The following ST18 variants were observed in gnomAD, a reference collection of about 807,000 sequenced individuals.
ST18 encodes suppression of tumorigenicity 18 protein.
A neutral mutation model predicts 110.0 loss-of-function variants in ST18; 50 were observed. That is an observed-to-expected ratio of 0.45 (90% confidence interval 0.36 to 0.58). The LOEUF (loss-of-function observed/expected upper bound fraction) is 0.58, where lower values mean the gene tolerates loss of function less well. Ranked by LOEUF, ST18 falls within the 20% of genes least tolerant of loss-of-function variation. The probability of loss-of-function intolerance (pLI) is 0.00; values close to 1 mark genes in which losing one functional copy is unlikely to be tolerated. For synonymous variants in ST18, 461 were observed against 452.4 expected, an observed-to-expected ratio of 1.02 and a Z score of -0.24; for missense variants, 1,306 against 1,280.1, an observed-to-expected ratio of 1.02 and a Z score of -0.31.
intron 8 of ST18, chr8:52,209,897 C>A: frequency 3.0e-6 from 1 of 331,290 alleles, no homozygotes; most frequent in South Asian, 2.5e-5. Context: ...ACATTTCTTC[C>A]CACAAATTTG....
chr8:52,147,685 C>T (rs2057708090), intron 16 of ST18, among the ~76,000 whole-genome samples: 2 of 151,922 alleles, frequency 1.3e-5, no homozygotes, highest in South Asian at 2.1e-4. Flanking sequence ...AGCAGTTATA[C>T]TTAATTCATG....
At chr8:52,399,019 T>C (rs1228280473) in intron 2 of ST18, among the ~76,000 whole-genome samples, 1 of 152,022 alleles carries the variant, frequency 6.6e-6, no homozygotes, top group Non-Finnish European at 1.5e-5. Flanking sequence ...TTGGTAATAA[T>C]TCTTCTTTGA....
chr8:52,167,806 A>T (rs2063516870), intron 10 of ST18, among the ~76,000 whole-genome samples: 1 of 152,012 alleles, frequency 6.6e-6, no homozygotes, highest in African/African-American at 2.4e-5. Context: ...GGCCCACGGG[A>T]GCAGCCGGTC....
intron 2 of ST18, chr8:52,405,196 G>A (rs1319747501): frequency 5.9e-5 from 9 of 152,190 alleles, no homozygotes; most frequent in Non-Finnish European, 1.3e-4. Flanking sequence ...AGGAATAACT[G>A]TCCGAGACTC....
intron 2 of ST18, among the ~76,000 whole-genome samples, chr8:52,329,153 G>C (rs1251822134): frequency 6.6e-6 from 1 of 151,808 alleles, no homozygotes; most frequent in Non-Finnish European, 1.5e-5. Flanking sequence ...GTGTGTGTTT[G>C]TGTTTGTGTT....
rs374001205 is a variant in ST18, at chr8:52,171,773, A to G, written c.1069+19T>C. The G allele has an allele frequency of 2.1e-5, 33 of 1,601,848 alleles. 1 individual carries two copies. In the African/African-American group the frequency reaches 3.2e-4, roughly 16 times the overall value. On this transcript the variant is annotated intron_variant, in intron 10 of 25. Transcript: ENST00000689386. ...TAATGCACTTTTATTCCTAAAATAA[A>G]TGCAAAAATGTGTCTTACGTTTATT...
At chr8:52,235,861 C>A (rs1165980995) in intron 2 of ST18, among the ~76,000 whole-genome samples, 3 of 151,966 alleles carry the variant, frequency 2.0e-5, no homozygotes, top group Non-Finnish European at 2.9e-5. Flanking sequence ...ATTGAAGGAC[C>A]GCCACTGCCA....
intron 14 of ST18, among the ~76,000 whole-genome samples, chr8:52,159,916 G>T (rs2060984743): frequency 6.6e-6 from 1 of 152,110 alleles, no homozygotes; most frequent in South Asian, 2.1e-4. Flanking sequence ...AAACACTCAA[G>T]ATTTAATGTG....
chr8:52,172,378 G>C lies in ST18; in HGVS notation c.483C>G (p.Ser161Arg), dbSNP rs780495112. Reference protein sequence around the residue: ...DSGIQSLKAESDEADECFLIH... With the variant: ...DSGIQSLKAERDEADECFLIH... Reference sequence around the variant, plus strand: ...TCAGAAAGCACTCGTCTGCTTCATCGCTCTCTGCTTTTAAAGACTGGATGC... The same window carrying C: ...TCAGAAAGCACTCGTCTGCTTCATCCCTCTCTGCTTTTAAAGACTGGATGC... The change falls in exon 10 of 26, where the codon AGC becomes AGG. Residue 161 changes from serine to arginine, a missense_variant. Ser to Arg is a moderately radical substitution (Grantham distance 110). Transcript: ENST00000689386. The C allele has an allele frequency of 1.9e-6, 3 of 1,613,852 alleles. No homozygotes were observed. The highest frequency in any genetic ancestry group is 2.5e-6 in the Non-Finnish European group (3 of 1,179,980).
intron 2 of ST18, among the ~76,000 whole-genome samples, chr8:52,358,268 T>G (rs2140410381): frequency 6.6e-6 from 1 of 151,972 alleles, no homozygotes; most frequent in South Asian, 2.1e-4. Context: ...GATCCCAAAT[T>G]AATATCCACC....
intron 2 of ST18, among the ~76,000 whole-genome samples, chr8:52,282,023 T>C (rs1407845662): frequency 2.0e-5 from 3 of 152,154 alleles, no homozygotes; most frequent in African/African-American, 2.4e-5. Context: ...ACACCACCTG[T>C]TCCCCATAAA....
intron 2 of ST18, among the ~76,000 whole-genome samples, chr8:52,239,379 A>C (rs2137470876): frequency 6.6e-6 from 1 of 152,324 alleles, no homozygotes; most frequent in South Asian, 2.1e-4. Flanking sequence ...AAAGCTGTTA[A>C]GAAAACAGGT....
chr8:52,265,895 C>A (rs1036241392), intron 2 of ST18, among the ~76,000 whole-genome samples: 10 of 152,042 alleles, frequency 6.6e-5, no homozygotes, highest in Non-Finnish European at 1.5e-4. Context: ...GAGGAAAGAA[C>A]AGAAATCTAA....
At chr8:52,161,784 A>G (rs2061523235) in intron 13 of ST18, among the ~76,000 whole-genome samples, 1 of 152,220 alleles carries the variant, frequency 6.6e-6, no homozygotes, top group Admixed American at 6.5e-5. Flanking sequence ...TCACTACATG[A>G]TGCTGCGTAC....
intron 2 of ST18, among the ~76,000 whole-genome samples, chr8:52,400,283 G>A (rs1842468949): frequency 6.6e-6 from 1 of 151,962 alleles, no homozygotes; most frequent in South Asian, 2.1e-4. Flanking sequence ...TTCACTTTCA[G>A]CCTGTGTATG....
chr8:52,405,301 A>G (rs1259963653), intron 2 of ST18: 1 of 152,270 alleles, frequency 6.6e-6, no homozygotes, highest in Admixed American at 6.5e-5. Context: ...AAATTATCAA[A>G]ATAAGTCCAT....
At chr8:52,267,929 C>T (rs993895318) in intron 2 of ST18, among the ~76,000 whole-genome samples, 4 of 152,118 alleles carry the variant, frequency 2.6e-5, no homozygotes, top group Non-Finnish European at 4.4e-5. Context: ...CTAGGGCAGA[C>T]GTCTGAGATC....
intron 2 of ST18, among the ~76,000 whole-genome samples, chr8:52,279,723 T>A (rs1218948861): frequency 2.0e-5 from 3 of 152,166 alleles, no homozygotes; most frequent in Admixed American, 2.0e-4. Context: ...TGGATGAGCA[T>A]CTCTAAAGGC....
At chr8:52,177,997 A>C (rs1361912847) in intron 9 of ST18, among the ~76,000 whole-genome samples, 1 of 152,232 alleles carries the variant, frequency 6.6e-6, no homozygotes, top group Non-Finnish European at 1.5e-5. Flanking sequence ...ATGAAATATA[A>C]ACATAGTTAG....
Sources: allele counts gnomAD v4.1 joint callset (sites outside exome capture counted in the v4.1 genomes callset), GRCh38; gene constraint gnomAD v4.1.1; transcripts MANE v1.5; gene names NCBI Gene and HGNC (gene_info 2026-07-23, HGNC 2026-07-21).